The following DIAPH3 variants were observed in gnomAD, a reference collection of about 807,000 sequenced individuals.
DIAPH3 encodes diaphanous related formin 3.
Under a neutral mutation model 144.3 loss-of-function variants are expected in DIAPH3, and 117 were observed. That is an observed-to-expected ratio of 0.81 (90% CI 0.70 to 0.95). The LOEUF is 0.95. Ranked by LOEUF, DIAPH3 falls within the 40% of genes least tolerant of loss-of-function variation. The pLI is 0.00. For missense variants in DIAPH3, 1,421 were observed against 1,412.7 expected, an observed-to-expected ratio of 1.01 and a Z score of -0.09; for synonymous variants, 519 against 488.9, an observed-to-expected ratio of 1.06 and a Z score of -0.81.
rs1025043616 is a variant in DIAPH3 at position 59,704,080 on chromosome 13, C to T, written c.3320-37234G>A. 2.6e-5 allele frequency among the ~76,000 whole-genome samples: 4 copies of T among 152,194 alleles called. No homozygotes were observed. In the East Asian group the frequency reaches 7.7e-4, roughly 29 times the overall value. On this transcript the variant is annotated intron_variant, in intron 27 of 27. Transcript: ENST00000400324. ...ATTGTCTGGCAGGTTATCATTTCCT[C>T]AGCAAAAATAGATCTTCTTCTTAGA...
chr13:59,823,634 T>C (rs1270791307), intron 24 of DIAPH3, among the ~76,000 whole-genome samples: 1 of 152,164 alleles, frequency 6.6e-6, no homozygotes, highest in Non-Finnish European at 1.5e-5. Flanking sequence ...CTAACACATA[T>C]AATGAGTCAA....
intron 19 of DIAPH3, among the ~76,000 whole-genome samples, chr13:59,915,227 A>T (rs1301613506): frequency 6.6e-6 from 1 of 152,116 alleles, no homozygotes; most frequent in African/African-American, 2.4e-5. Flanking sequence ...AGAGAAAAAA[A>T]ATGCTTAAAT....
chr13:59,879,315 C>T lies in DIAPH3; in HGVS notation c.2521G>A (p.Glu841Lys), dbSNP rs761926975. The change falls in exon 21 of 28, where the codon GAA (glutamate) becomes AAA (lysine). Residue 841 changes from glutamate to lysine, a missense_variant. Transcript: ENST00000400324. ...KKSKSFSKLL[E>K]LVLLMGNYMN... ...TAGTTTCCCATTAGCAATACAAGTT[C>T]CAGCAACTTGCTAAAGCTTTTGCTC... 1.2e-6 allele frequency: 2 copies of T among 1,613,826 alleles called. No individual in the cohort carries two copies. Among genetic ancestry groups the T allele is most frequent in the East Asian group, 2.2e-5 (1 of 44,866 alleles).
intron 24 of DIAPH3, among the ~76,000 whole-genome samples, chr13:59,821,781 T>C (rs962895588): frequency 1.3e-5 from 2 of 152,120 alleles, no homozygotes; most frequent in African/African-American, 4.8e-5. Flanking sequence ...TCAATGAAAA[T>C]AGGAGAACAT....
At chr13:60,162,807 TCTCACACACACACA>T (rs1952360394) in intron 1 of DIAPH3, among the ~76,000 whole-genome samples, 1 of 127,968 alleles carries the variant, frequency 7.8e-6, no homozygotes, top group Non-Finnish European at 1.7e-5. Context: ...TCTCTCTCTC[TCTCACACACACACA>T]CACACACACA....
At chr13:59,709,602 C>T (rs342591) in intron 27 of DIAPH3, among the ~76,000 whole-genome samples, 86,807 of 152,016 alleles carry the variant, frequency 0.57, 25,686 homozygotes, top group East Asian at 0.68. Flanking sequence ...ACAACAGGTG[C>T]TGGAGAGGAT....
chr13:60,104,601 GA>G (rs1448095777), intron 3 of DIAPH3, among the ~76,000 whole-genome samples: 7 of 101,232 alleles, frequency 6.9e-5, no homozygotes, highest in African/African-American at 2.1e-4. Context: ...CACACGATGA[GA>G]AAAAAAGAAA....
intron 17 of DIAPH3, among the ~76,000 whole-genome samples, chr13:59,939,667 T>C (rs2048428191): frequency 6.6e-6 from 1 of 152,150 alleles, no homozygotes; most frequent in South Asian, 2.1e-4. Context: ...CAGGGAGATG[T>C]ATTTGGAATA....
intron 17 of DIAPH3, among the ~76,000 whole-genome samples, chr13:59,956,128 A>G (rs985290569): frequency 2.0e-5 from 3 of 151,552 alleles, no homozygotes; most frequent in African/African-American, 7.3e-5. Flanking sequence ...ATGATACAAT[A>G]GAAAAGAAAA....
intron 17 of DIAPH3, among the ~76,000 whole-genome samples, chr13:59,951,311 G>A (rs1357017396): frequency 6.6e-6 from 1 of 152,090 alleles, no homozygotes; most frequent in Non-Finnish European, 1.5e-5. Context: ...CTGACATCAT[G>A]TGAAGGACGT....
chr13:59,814,417 T>C (rs1011780661), intron 24 of DIAPH3, among the ~76,000 whole-genome samples: 5 of 152,170 alleles, frequency 3.3e-5, no homozygotes, highest in African/African-American at 1.2e-4. Context: ...ATTGTAACTA[T>C]TAGGAGAAGA....
intron 17 of DIAPH3, among the ~76,000 whole-genome samples, chr13:59,941,255 A>G (rs1011790304): frequency 6.6e-6 from 1 of 152,184 alleles, no homozygotes; most frequent in Middle Eastern, 3.2e-3. Context: ...AGGAGTGGCT[A>G]GGAAGGATGC....
At position 59,969,987 on chromosome 13, in the gene DIAPH3, A is replaced by T; in HGVS notation, c.2031T>A (p.Asp677Glu). 1 of 1,610,284 alleles carries T rather than the reference A, an allele frequency of 6.2e-7. No individual in the cohort carries two copies. The highest frequency in any genetic ancestry group is 8.5e-7 in the Non-Finnish European group (1 of 1,177,842). ...ATGTATTCTCAAGTTTACAAAGCAA[A>T]TCCACGTTTTCATACTTATTTTCAT... ...KVNENKYENV[D>E]LLCKLENTFC... Residue 677 changes from aspartate (D) to glutamate (E), a missense_variant, in exon 17 of 28, where the codon GAT becomes GAA. Coordinates refer to ENST00000400324, the MANE Select transcript of DIAPH3 (RefSeq NM_001042517.2).
intron 1 of DIAPH3, among the ~76,000 whole-genome samples, chr13:60,151,416 T>A (rs572314175): frequency 6.6e-6 from 1 of 152,332 alleles, no homozygotes; most frequent in Admixed American, 6.5e-5. Context: ...GGGTGGGACT[T>A]CAGAGCCACA....
In DIAPH3 at chr13:59,666,493, T is replaced by TTTTATACTTTATATACTTTATA; in HGVS notation, c.*90_*91insTATAAAGTATATAAAGTATAAA. 3 of 1,408,176 alleles carry TTTTATACTTTATATACTTTATA rather than the reference T, an allele frequency of 2.1e-6. No homozygotes were observed. The South Asian group carries it at 3.9e-5, about 18-fold the overall frequency. The allele number at this position is 1,408,176 out of a possible 1,614,324, so 87.2% of individuals were successfully genotyped here. A position where few individuals can be genotyped will look rare whatever the true frequency, so the allele number is the denominator to read the frequency against. Reference sequence around the variant, plus strand: ...TATCATAATTTAAAACTATATAAAGTCACTTACATAAAAGCAATTTTTTCA... The same window carrying TTTTATACTTTATATACTTTATA: ...TATCATAATTTAAAACTATATAAAGTTTTATACTTTATATACTTTATACACTTACATAAAAGCAATTTTTTCA... On this transcript the variant is annotated 3_prime_UTR_variant, in exon 28 of 28. Transcript: ENST00000400324.
intron 4 of DIAPH3, among the ~76,000 whole-genome samples, chr13:60,071,403 C>T (rs950422203): frequency 3.3e-5 from 5 of 152,154 alleles, no homozygotes; most frequent in Admixed American, 3.3e-4. Context: ...AACAGAATAG[C>T]TTCATATTTA....
At chr13:60,034,240 A>G (rs921657845) in intron 5 of DIAPH3, among the ~76,000 whole-genome samples, 8 of 152,260 alleles carry the variant, frequency 5.3e-5, no homozygotes, top group African/African-American at 1.9e-4. Context: ...CTGTAAAGCC[A>G]TAAACACATA....
intron 17 of DIAPH3, among the ~76,000 whole-genome samples, chr13:59,952,809 A>G (rs2049169975): frequency 6.6e-6 from 1 of 152,200 alleles, no homozygotes; most frequent in South Asian, 2.1e-4. Context: ...AGGAGGCTGA[A>G]ATTATTGCAT....
chr13:59,952,436 CT>C (rs2049148951), intron 17 of DIAPH3, among the ~76,000 whole-genome samples: 1 of 152,076 alleles, frequency 6.6e-6, no homozygotes, highest in Admixed American at 6.6e-5. Context: ...GGAAAAATAC[CT>C]ACAAAATGTG....
Sources: allele counts gnomAD v4.1 joint callset (sites outside exome capture counted in the v4.1 genomes callset), GRCh38; gene constraint gnomAD v4.1.1; transcripts MANE v1.5; gene names NCBI Gene and HGNC (gene_info 2026-07-23, HGNC 2026-07-21).